The following WWOX variants were observed in gnomAD, a reference collection of about 807,000 sequenced individuals.
The protein encoded by WWOX is WW domain containing oxidoreductase, also known as WW domain-containing oxidoreductase.
WWOX carries 69 observed loss-of-function variants against 46.2 expected under a neutral mutation model. That is an observed-to-expected ratio of 1.49 (90% CI 1.23 to 1.82). WWOX has a LOEUF of 1.82. Ranked by LOEUF, WWOX falls within the 40% of genes most tolerant of loss-of-function variation. The pLI is 0.00. For missense variants in WWOX, 919 were observed against 542.6 expected, an observed-to-expected ratio of 1.69 and a Z score of -6.89; for synonymous variants, 359 against 202.6, an observed-to-expected ratio of 1.77 and a Z score of -6.56.
chr16:78,229,714 C>A (rs1453154234), intron 5 of WWOX, among the ~76,000 whole-genome samples: 4 of 151,930 alleles, frequency 2.6e-5, no homozygotes, highest in African/African-American at 9.7e-5. Flanking sequence ...CTCATTTAAG[C>A]CATAAACATG....
intron 8 of WWOX, among the ~76,000 whole-genome samples, chr16:78,571,214 A>T (rs1040481590): frequency 1.2e-4 from 19 of 152,198 alleles, no homozygotes. Context: ...CCTTTGCTTT[A>T]TGTATCAATT....
At chr16:78,975,617 C>G (rs1340144490) in intron 8 of WWOX, among the ~76,000 whole-genome samples, 1 of 152,128 alleles carries the variant, frequency 6.6e-6, no homozygotes, top group Admixed American at 6.5e-5. Flanking sequence ...AAAGGGTGAA[C>G]AGTGTTTATT....
intron 8 of WWOX, among the ~76,000 whole-genome samples, chr16:78,587,080 C>T (rs142029726): frequency 6.6e-6 from 1 of 152,018 alleles, no homozygotes; most frequent in East Asian, 1.9e-4. Context: ...GGCTGGAGTG[C>T]AGTGGCGTGA....
intron 8 of WWOX, among the ~76,000 whole-genome samples, chr16:78,580,526 C>A (rs564134343): frequency 3.3e-5 from 5 of 152,174 alleles, no homozygotes; most frequent in Non-Finnish European, 5.9e-5. Flanking sequence ...AGTCCCATCA[C>A]GAACAAATTG....
At chr16:78,531,955 G>A (rs2043633574) in intron 8 of WWOX, among the ~76,000 whole-genome samples, 1 of 152,078 alleles carries the variant, frequency 6.6e-6, no homozygotes, top group Non-Finnish European at 1.5e-5. Flanking sequence ...TCCCAAAAGG[G>A]TGGGAAATTT....
At chr16:78,636,161 T>C (rs1463962741) in intron 8 of WWOX, among the ~76,000 whole-genome samples, 1 of 152,114 alleles carries the variant, frequency 6.6e-6, no homozygotes, top group Non-Finnish European at 1.5e-5. Context: ...AGGTAGTATA[T>C]TATAATGGAA....
chr16:78,101,685 C>T (rs2031803297), intron 1 of WWOX, among the ~76,000 whole-genome samples: 2 of 152,270 alleles, frequency 1.3e-5, no homozygotes, highest in South Asian at 4.1e-4. Context: ...AATCTTCCCT[C>T]CCAGGTGATT....
chr16:79,116,109 A>G (rs769132789), intron 8 of WWOX, among the ~76,000 whole-genome samples: 28 of 152,208 alleles, frequency 1.8e-4, no homozygotes, highest in Non-Finnish European at 2.9e-4. Flanking sequence ...ATTACTAAAA[A>G]ATGCTAATGA....
chr16:78,626,499 A>C (rs767191051), intron 8 of WWOX, among the ~76,000 whole-genome samples: 1 of 152,074 alleles, frequency 6.6e-6, no homozygotes, highest in African/African-American at 2.4e-5. Context: ...TTCAGGGAGG[A>C]AGACCCCAGA....
At chr16:79,094,368 GC>G (rs926764239) in intron 8 of WWOX, among the ~76,000 whole-genome samples, 1 of 151,096 alleles carries the variant, frequency 6.6e-6, no homozygotes, top group Non-Finnish European at 1.5e-5. Flanking sequence ...CCCTGCCTTA[GC>G]CTCCCAGGTA....
chr16:78,622,425 C>T (rs2046211583), intron 8 of WWOX, among the ~76,000 whole-genome samples: 1 of 151,986 alleles, frequency 6.6e-6, no homozygotes, highest in African/African-American at 2.4e-5. Context: ...ACCCATAATC[C>T]CAGGTACACA....
chr16:79,056,105 A>G (rs2048257065), intron 8 of WWOX, among the ~76,000 whole-genome samples: 1 of 151,992 alleles, frequency 6.6e-6, no homozygotes, highest in South Asian at 2.1e-4. Flanking sequence ...GAAAACCACT[A>G]TCCCCATTAA....
intron 8 of WWOX, among the ~76,000 whole-genome samples, chr16:78,538,822 A>G (rs1295467867): frequency 6.6e-6 from 1 of 152,172 alleles, no homozygotes; most frequent in African/African-American, 2.4e-5. Flanking sequence ...AAAATATGTC[A>G]CCTGATATTG....
chr16:78,684,203 C>T (rs575241428), intron 8 of WWOX, among the ~76,000 whole-genome samples: 8 of 152,296 alleles, frequency 5.3e-5, no homozygotes, highest in African/African-American at 1.9e-4. Flanking sequence ...CATGAGTCAT[C>T]TTTCCCATTG....
chr16:78,490,564 C>G (rs2738711), intron 8 of WWOX, among the ~76,000 whole-genome samples: 1 of 152,034 alleles, frequency 6.6e-6, no homozygotes, highest in African/African-American at 2.4e-5. Context: ...TGTTGTGGGA[C>G]GGAGGAGAAA....
At chr16:79,145,717 G>A (rs934108931) in intron 8 of WWOX, among the ~76,000 whole-genome samples, 5 of 152,092 alleles carry the variant, frequency 3.3e-5, no homozygotes, top group African/African-American at 1.2e-4. Flanking sequence ...AAAATATTCA[G>A]TAAAAATTAC....
chr16:78,155,347 G>C (rs911230748), intron 4 of WWOX, among the ~76,000 whole-genome samples: 1 of 152,138 alleles, frequency 6.6e-6, no homozygotes. Flanking sequence ...CTTGTCCTCT[G>C]ATCATCAGTT....
chr16:78,863,771 TAAAC>T (rs1376027934), intron 8 of WWOX, among the ~76,000 whole-genome samples: 2 of 152,232 alleles, frequency 1.3e-5, no homozygotes. Flanking sequence ...TATTGCTTCA[TAAAC>T]AAACTATCAC....
At chr16:78,529,432 G>A (rs3853359) in intron 8 of WWOX, among the ~76,000 whole-genome samples, 1,538 of 151,936 alleles carry the variant, frequency 0.01, 35 homozygotes, top group African/African-American at 0.036. Flanking sequence ...GTCGGGTCCC[G>A]TGGGCTCTTT....
Sources: gnomAD v4.1 joint callset for allele counts (sites outside exome capture counted in the v4.1 genomes callset) on GRCh38, gnomAD v4.1.1 for gene constraint, MANE v1.5 for transcripts, NCBI Gene and HGNC (gene_info 2026-07-23, HGNC 2026-07-21) for gene names.